Variants in FYB1 observed in about 807,000 individuals in gnomAD.
FYB1 encodes the protein FYN binding protein 1, also known as FYN-binding protein 1.
A neutral mutation model predicts 94.1 loss-of-function variants in FYB1; 41 were observed. That is an observed-to-expected ratio of 0.44 (90% CI 0.34 to 0.57). The LOEUF (loss-of-function observed/expected upper bound fraction) is 0.57, where lower values mean the gene tolerates loss of function less well. Among genes scored for constraint, FYB1 ranks in the 20% least tolerant of loss-of-function variants. The probability of loss-of-function intolerance (pLI) is 0.02; values close to 1 mark genes in which losing one functional copy is unlikely to be tolerated. For synonymous variants in FYB1, 367 were observed against 353.2 expected, an observed-to-expected ratio of 1.04 and a Z score of -0.44; for missense variants, 1,050 against 976.8, an observed-to-expected ratio of 1.07 and a Z score of -1.00.
intron 10 of FYB1, 149 bp from the exon 11 acceptor site, chr5:39,127,956 T>C: frequency 1.3e-6 from 1 of 771,486 alleles, no homozygotes. Flanking sequence ...ACTTTGTTGA[T>C]TATTTTATAA....
At chr5:39,249,328 C>G (rs1442788501) in intron 1 of FYB1, among the ~76,000 whole-genome samples, 1 of 152,194 alleles carries the variant, frequency 6.6e-6, no homozygotes, top group Non-Finnish European at 1.5e-5. Context: ...GCTCTTGAGA[C>G]CACATGGTCT....
At position 39,202,415 on chromosome 5, in the gene FYB1, T is replaced by C. The variant is rs1378826427; in HGVS notation, c.546A>G (p.Ser182=). ...GCTTGGGTTCAAGATCTTGTGATGC[T>C]GACATAAATTTCCCTTTAACCCCAG... ...KLTGVKGKFM[S]ASQDLEPKPL... is the part of the protein sequence containing the mutation. The change falls in exon 2 of 19, where the codon TCA becomes TCG. Residue 182 remains serine (S), a synonymous_variant. Coordinates refer to ENST00000512982, the MANE Select transcript of FYB1 (RefSeq NM_001465.6). 6.2e-7 allele frequency: 1 copy of C among 1,613,722 alleles called. No homozygotes were observed. Among genetic ancestry groups the C allele is most frequent in the African/African-American group, 1.3e-5 (1 of 74,872 alleles).
At chr5:39,133,742 G>A (rs887160181) in intron 9 of FYB1, among the ~76,000 whole-genome samples, 53 of 151,972 alleles carry the variant, frequency 3.5e-4, no homozygotes, top group African/African-American at 1.2e-3. Context: ...ATAAAAAAAC[G>A]GAGTTTTTAC....
intron 2 of FYB1, among the ~76,000 whole-genome samples, chr5:39,180,876 AT>A (rs1746158975): frequency 6.6e-6 from 1 of 152,152 alleles, no homozygotes; most frequent in African/African-American, 2.4e-5. Flanking sequence ...TACATTTTTT[AT>A]TTTTAATAGC....
At chr5:39,244,197 A>C (rs1162271980) in intron 1 of FYB1, among the ~76,000 whole-genome samples, 10 of 152,086 alleles carry the variant, frequency 6.6e-5, no homozygotes. Context: ...GACTGGTGAG[A>C]GAGGGCATCC....
chr5:39,108,453 T>C (rs1303251853), intron 17 of FYB1, among the ~76,000 whole-genome samples, 191 bp from the exon 18 acceptor site: 1 of 152,102 alleles, frequency 6.6e-6, no homozygotes, highest in East Asian at 1.9e-4. Flanking sequence ...TCTAGTCCTC[T>C]GTTTCATTTT....
rs560545646 is a variant in FYB1, at chr5:39,263,315, A to G, written c.-28+11088T>C. Among the ~76,000 whole-genome samples the G allele has an allele frequency of 8.5e-5, 13 of 152,272 alleles. No individual in the cohort carries two copies. The South Asian group carries it at 2.7e-3, about 32-fold the overall frequency. On this transcript the variant is annotated intron_variant, in intron 1 of 1. Transcript: ENST00000510188. ...CACTGATGTGTTATATGAGTGCAAG[A>G]TATCAGCTAGAATTTGAGCCTCTTA...
intron 1 of FYB1, among the ~76,000 whole-genome samples, chr5:39,258,518 T>G (rs528950324): frequency 6.6e-6 from 1 of 152,270 alleles, no homozygotes; most frequent in East Asian, 1.9e-4. Flanking sequence ...GAGAATCACT[T>G]GAACCCAGGA....
chr5:39,246,001 A>C (rs1283145041), intron 1 of FYB1, among the ~76,000 whole-genome samples: 1 of 152,212 alleles, frequency 6.6e-6, no homozygotes, highest in Non-Finnish European at 1.5e-5. Context: ...GTCTACTTCT[A>C]CTTTGTTTTT....
chr5:39,197,798 C>T (rs568691402), intron 2 of FYB1, among the ~76,000 whole-genome samples: 2 of 152,314 alleles, frequency 1.3e-5, no homozygotes, highest in Non-Finnish European at 2.9e-5. Flanking sequence ...TGGGTGCCGC[C>T]TACTGCTCTC....
chr5:39,180,653 G>A (rs999445712), intron 2 of FYB1, among the ~76,000 whole-genome samples: 3 of 152,184 alleles, frequency 2.0e-5, no homozygotes, highest in Non-Finnish European at 4.4e-5. Context: ...TGCTAATGCT[G>A]TTGCTGCTGC....
intron 13 of FYB1, 141 bp downstream of exon 13, chr5:39,124,112 G>A: frequency 1.6e-6 from 1 of 624,412 alleles, no homozygotes; most frequent in Non-Finnish European, 2.8e-6. Context: ...GACCACCCAA[G>A]GTAAAGTTAC....
At chr5:39,121,717 C>T (rs994600541) in intron 14 of FYB1, among the ~76,000 whole-genome samples, 1 of 152,086 alleles carries the variant, frequency 6.6e-6, no homozygotes, top group African/African-American at 2.4e-5. Context: ...AAAGGCACTC[C>T]TTTTGTATTA....
chr5:39,261,678 C>T (rs946395127), intron 1 of FYB1, among the ~76,000 whole-genome samples: 21 of 152,016 alleles, frequency 1.4e-4, no homozygotes, highest in Non-Finnish European at 2.1e-4. Flanking sequence ...ACCCAGGAGG[C>T]GGAGATTGCA....
At chr5:39,125,098 C>A (rs1470557436) in intron 12 of FYB1, among the ~76,000 whole-genome samples, 1 of 151,964 alleles carries the variant, frequency 6.6e-6, no homozygotes, top group African/African-American at 2.4e-5. Flanking sequence ...AAAACCCTCT[C>A]ATTTTTAAGT....
chr5:39,143,840 TA>T (rs964282479), intron 3 of FYB1, among the ~76,000 whole-genome samples: 4 of 152,132 alleles, frequency 2.6e-5, no homozygotes, highest in Non-Finnish European at 5.9e-5. Flanking sequence ...AAACTCACTT[TA>T]AAAAAATAGA....
chr5:39,265,690 C>A (rs559200046), intron 1 of FYB1, among the ~76,000 whole-genome samples: 12 of 152,078 alleles, frequency 7.9e-5, no homozygotes, highest in African/African-American at 2.9e-4. Flanking sequence ...AAAAGAAATG[C>A]ACATTTCCAG....
chr5:39,184,959 A>G (rs1348625460), intron 2 of FYB1, among the ~76,000 whole-genome samples: 1 of 152,196 alleles, frequency 6.6e-6, no homozygotes, highest in East Asian at 1.9e-4. Context: ...GCATCAATAT[A>G]CATTCATTCT....
At chr5:39,152,272 A>G (rs1459546470) in intron 3 of FYB1, among the ~76,000 whole-genome samples, 1 of 152,190 alleles carries the variant, frequency 6.6e-6, no homozygotes, top group African/African-American at 2.4e-5. Flanking sequence ...ACCCCCAAGA[A>G]AGCATATTAA....
Sources: allele counts gnomAD v4.1 joint callset (sites outside exome capture counted in the v4.1 genomes callset), GRCh38; gene constraint gnomAD v4.1.1; transcripts MANE v1.5; gene names NCBI Gene and HGNC (gene_info 2026-07-23, HGNC 2026-07-21).